The following FAM83C variants were observed in gnomAD, a reference collection of about 807,000 sequenced individuals.
The protein encoded by FAM83C is scaffolding CK1 anchoring protein C, also known as protein FAM83C.
FAM83C carries 23 observed loss-of-function variants against 27.1 expected under a neutral mutation model. That is an observed-to-expected ratio of 0.85 (90% CI 0.61 to 1.20). The LOEUF (loss-of-function observed/expected upper bound fraction) is 1.20, where lower values mean the gene tolerates loss of function less well. Ranked by LOEUF, FAM83C falls within the 50% of genes most tolerant of loss-of-function variation. The pLI is 0.00. For missense variants in FAM83C, 984 were observed against 1,001.3 expected, an observed-to-expected ratio of 0.98 and a Z score of 0.23; for synonymous variants, 426 against 423.1, an observed-to-expected ratio of 1.01 and a Z score of -0.09.
chr20:35,288,443 C>G lies in FAM83C; in HGVS notation c.806+18G>C. On this transcript the variant is annotated intron_variant, in intron 3 of 3. Coordinates refer to ENST00000374408, the MANE Select transcript of FAM83C (RefSeq NM_178468.6). ...TGATGCAGCCCCAGGCCCCCCTTGC[C>G]TCCTCGTGCCTGCTCACCTGTAACT... 6.2e-7 allele frequency: 1 copy of G among 1,613,440 alleles called. No homozygotes were observed. Among genetic ancestry groups the G allele is most frequent in the Non-Finnish European group, 8.5e-7 (1 of 1,179,736 alleles).
Position 35,288,548 on chromosome 20 carries a change from C to G in FAM83C, c.719G>C (p.Cys240Ser). 6.2e-7 allele frequency: 1 copy of G among 1,614,208 alleles called. No homozygotes were observed. Among genetic ancestry groups the G allele is most frequent in the Non-Finnish European group, 8.5e-7 (1 of 1,180,018 alleles). Residue 240 changes from cysteine to serine, a missense_variant, in exon 3 of 4, where the codon TGC becomes TCC. Cys to Ser is a moderately radical substitution (Grantham distance 112). Transcript: ENST00000374408. ...CGTGAAGCGGCGGCCAGCCTTGCTG[C>G]AGTATGTGTCCCCACACGTGCTCCG... ...RVRSTCGDTY[C>S]SKAGRRFTGQ...
rs1421787682 is a variant in FAM83C at position 35,286,600 on chromosome 20, GT to G, written c.2178del (p.Lys726AsnfsTer102). ...DEKRLTLGHS[K>X]LDLITKYNKS... ...TTGTTGTACTTAGTGATGAGGTCCA[GT>G]TTGCTGTGACCCAGGGTCAGCCGTT... On this transcript the variant is annotated frameshift_variant, in exon 4 of 4. Coordinates refer to ENST00000374408, the MANE Select transcript of FAM83C (RefSeq NM_178468.6). LOFTEE classifies it high-confidence loss of function. 7.4e-6 allele frequency: 12 copies of G among 1,614,068 alleles called. No individual in the cohort carries two copies. Among genetic ancestry groups the G allele is most frequent in the Non-Finnish European group, 1.0e-5 (12 of 1,180,042 alleles).
intron 1 of FAM83C, among the ~76,000 whole-genome samples, chr20:35,290,125 C>T (rs753412777): frequency 4.6e-5 from 7 of 152,220 alleles, no homozygotes; most frequent in Middle Eastern, 3.2e-3. Flanking sequence ...TCTGGTGTGA[C>T]CCCTTACACT....
Position 35,291,984 on chromosome 20 carries a change from C to T in FAM83C, c.321G>A (p.Leu107=). ...AAGTCCCTGAGGTGACTTCAGAGAG[C>T]AGGCTGAGGCGGTCTGGCCCGGAGG... ...QEASGPDRLS[L]LSEVTSGTYF... is the part of the protein sequence containing the mutation. Residue 107 remains leucine, a synonymous_variant, in exon 1 of 4, where the codon CTG becomes CTA. Transcript: ENST00000374408. 1.2e-6 allele frequency: 2 copies of T among 1,612,770 alleles called. No homozygotes were observed. Among genetic ancestry groups the T allele is most frequent in the South Asian group, 2.2e-5 (2 of 91,048 alleles).
intron 1 of FAM83C, among the ~76,000 whole-genome samples, chr20:35,290,434 T>G (rs1482384741): frequency 6.6e-6 from 1 of 152,172 alleles, no homozygotes; most frequent in Non-Finnish European, 1.5e-5. Context: ...TGACACAGCT[T>G]TGGGTGAGTC....
At position 35,287,729 on chromosome 20, in the gene FAM83C, G is replaced by A; in HGVS notation, c.1050C>T (p.Ser350=). The A allele has an allele frequency of 1.9e-6, 3 of 1,613,962 alleles. No individual in the cohort carries two copies. The highest frequency in any genetic ancestry group is 2.5e-6 in the Non-Finnish European group (3 of 1,179,906). ...SSLPSSTSLS[S]IKQSPLMGRS... The stretch of plus-strand genomic sequence containing the variant: ...GACCCATAAGCGGTGACTGCTTGAT[G>A]CTGCTGAGGCTGGTGCTGGAGGGCA... Residue 350 remains serine, a synonymous_variant, in exon 4 of 4, where the codon AGC becomes AGT. Coordinates refer to ENST00000374408, the MANE Select transcript of FAM83C (RefSeq NM_178468.6).
Position 35,287,011 on chromosome 20 carries a change from T to G in FAM83C, c.1768A>C (p.Ser590Arg), listed in dbSNP as rs746251132. 10 of 1,608,576 alleles carry G rather than the reference T, an allele frequency of 6.2e-6. No homozygotes were observed. The South Asian group carries it at 1.1e-4, about 18-fold the overall frequency. Residue 590 changes from serine to arginine, a missense_variant, in exon 4 of 4, where the codon AGC (serine) becomes CGC (arginine). Coordinates refer to ENST00000374408, the MANE Select transcript of FAM83C (RefSeq NM_178468.6). ...ATCAGGAGGTCTGATTGGCCACGGC[T>G]TTGGTTTAGGGACAGCCTCCTGTCC... ...LEDRRLSLNQ[S>R]RGQSDLLMQY...
chr20:35,292,328 C>G lies in FAM83C; in HGVS notation c.-24G>C. On this transcript the variant is annotated 5_prime_UTR_variant, in exon 1 of 4. Transcript: ENST00000374408. The stretch of plus-strand genomic sequence containing the variant: ...ATGCCTGCCACGCGGCTGCCTCACC[C>G]GCCGGCAGGGCCCATGGCCCGCACG... 6.8e-7 allele frequency: 1 copy of G among 1,463,002 alleles called. No individual in the cohort carries two copies. Among genetic ancestry groups the G allele is most frequent in the Non-Finnish European group, 9.0e-7 (1 of 1,114,456 alleles). 90.6% of individuals were successfully genotyped at this position (1,463,002 alleles called of 1,614,324 possible).
chr20:35,287,561 AG>A lies in FAM83C; in HGVS notation c.1217del (p.Pro406LeufsTer12). ...RQLSDPNHGS[P>X]PGLYRANLGK... is the part of the protein sequence containing the mutation. ...CGAGATTGGCCCTATAGAGCCCAGG[AG>A]GGGAGCCGTGGTTAGGGTCTGACAG... is the stretch of plus-strand genomic sequence containing the variant. On this transcript the variant is annotated frameshift_variant, in exon 4 of 4. Transcript: ENST00000374408. LOFTEE classifies it low-confidence loss of function (END_TRUNC). 2 of 1,613,984 alleles carry A rather than the reference AG, an allele frequency of 1.2e-6. No individual in the cohort carries two copies. Among genetic ancestry groups the A allele is most frequent in the South Asian group, 1.1e-5 (1 of 91,078 alleles).
In FAM83C at chr20:35,288,589, G is replaced by A; in HGVS notation, c.682-4C>T. The A allele has an allele frequency of 6.2e-7, 1 of 1,614,014 alleles. No homozygotes were observed. The highest frequency in any genetic ancestry group is 8.5e-7 in the Non-Finnish European group (1 of 1,179,922). The stretch of plus-strand genomic sequence containing the variant: ...ACGTGCTCCGCACACGCATGTTCTA[G>A]GTGGAAGTAGGTTGGGGGTGACCTT... On this transcript the variant is annotated splice_region_variant and splice_polypyrimidine_tract_variant and intron_variant, in intron 2 of 3. Transcript: ENST00000374408.
At position 35,291,797 on chromosome 20, in the gene FAM83C, G is replaced by A. The variant is rs143939846; in HGVS notation, c.508C>T (p.His170Tyr). Residue 170 changes from histidine (H) to tyrosine (Y), a missense_variant, in exon 1 of 4, where the codon CAC (histidine) becomes TAC (tyrosine). By Grantham distance (83) the His-to-Tyr change is moderately conservative. Coordinates refer to ENST00000374408, the MANE Select transcript of FAM83C (RefSeq NM_178468.6). Reference protein sequence around the residue: ...DLLRFLFSQAHTVVAVVMDIF... With the variant: ...DLLRFLFSQAYTVVAVVMDIF... ...TGGAGAGATGAGGCCCTTACCGTGT[G>A]GGCCTGGCTGAAAAGGAAGCGCAGC... 2 of 1,613,884 alleles carry A rather than the reference G, an allele frequency of 1.2e-6. No individual in the cohort carries two copies. The highest frequency in any genetic ancestry group is 1.3e-5 in the African/African-American group (1 of 74,938).
rs372083736 is a variant in FAM83C at position 35,287,875 on chromosome 20, C to T, written c.904G>A (p.Ala302Thr). The T allele has an allele frequency of 5.0e-5, 78 of 1,562,224 alleles. No homozygotes were observed. Among genetic ancestry groups the T allele is most frequent in the Non-Finnish European group, 6.4e-5 (74 of 1,152,668 alleles). Reference sequence around the variant, plus strand: ...AAGCCCTCCACAGGCTGCGACTCAGCGTACAGACAGCGGAACTCCCGGTCA... The same window carrying T: ...AAGCCCTCCACAGGCTGCGACTCAGTGTACAGACAGCGGAACTCCCGGTCA... Reference protein sequence around the residue: ...DFDREFRCLYAESQPVEGFCG... With the variant: ...DFDREFRCLYTESQPVEGFCG... The change falls in exon 4 of 4, where the codon GCT becomes ACT. Residue 302 changes from alanine (A) to threonine (T), a missense_variant. Coordinates refer to ENST00000374408, the MANE Select transcript of FAM83C (RefSeq NM_178468.6).
rs1302900249 is a variant in FAM83C at position 35,286,286 on chromosome 20, AC to A, written c.*248del. On this transcript the variant is annotated 3_prime_UTR_variant, in exon 4 of 4. Transcript: ENST00000374408. ...CTGTCCCCAGGTCTGAGTGTGACCCACCTGTCAGCTCTACAGGCCCAGCACA... is the reference window on the plus strand; with the variant it reads ...CTGTCCCCAGGTCTGAGTGTGACCCACTGTCAGCTCTACAGGCCCAGCACA... 2.0e-6 allele frequency: 1 copy of A among 494,086 alleles called. No homozygotes were observed. The highest frequency in any genetic ancestry group is 3.6e-5 in the East Asian group (1 of 27,752). 30.6% of individuals were successfully genotyped at this position (494,086 alleles called of 1,614,324 possible). A position where few individuals can be genotyped will look rare whatever the true frequency, so the allele number is the denominator to read the frequency against.
Position 35,292,347 on chromosome 20 carries a change from C to A in FAM83C, c.-43G>T. On this transcript the variant is annotated 5_prime_UTR_variant, in exon 1 of 4. Transcript: ENST00000374408. ...CTCACCCGCCGGCAGGGCCCATGGC[C>A]CGCACGCTGGGCTGGCTGCAGCAGG... 6.9e-7 allele frequency: 1 copy of A among 1,443,486 alleles called. No individual in the cohort carries two copies. Among genetic ancestry groups the A allele is most frequent in the African/African-American group, 1.4e-5 (1 of 69,626 alleles). The allele number at this position is 1,443,486 out of a possible 1,614,324, so 89.4% of individuals were successfully genotyped here. A position where few individuals can be genotyped will look rare whatever the true frequency, so the allele number is the denominator to read the frequency against.
Position 35,292,412 on chromosome 20 carries a change from G to A in FAM83C, c.-108C>T, listed in dbSNP as rs1259086905. Reference sequence around the variant, plus strand: ...AGAACCGCCTTCTGCCCGCCCGCTCGCTGTGTGTGTGGCAGGGCCCCCAAA... The same window carrying A: ...AGAACCGCCTTCTGCCCGCCCGCTCACTGTGTGTGTGGCAGGGCCCCCAAA... On this transcript the variant is annotated 5_prime_UTR_variant, in exon 1 of 4. Coordinates refer to ENST00000374408, the MANE Select transcript of FAM83C (RefSeq NM_178468.6). 33 of 1,397,862 alleles carry A rather than the reference G, an allele frequency of 2.4e-5. No individual in the cohort carries two copies. Among genetic ancestry groups the A allele is most frequent in the Admixed American group, 1.2e-4 (4 of 33,966 alleles). The allele number at this position is 1,397,862 out of a possible 1,614,324, so 86.6% of individuals were successfully genotyped here. A position where few individuals can be genotyped will look rare whatever the true frequency, so the allele number is the denominator to read the frequency against.
rs745708032 is a variant in FAM83C, at chr20:35,288,541, C to T, written c.726G>A (p.Lys242=). The T allele has an allele frequency of 1.2e-6, 2 of 1,614,106 alleles. No individual in the cohort carries two copies. The highest frequency in any genetic ancestry group is 2.7e-5 in the African/African-American group (2 of 74,948). Residue 242 remains lysine (K), a synonymous_variant, in exon 3 of 4, where the codon AAG becomes AAA. Coordinates refer to ENST00000374408, the MANE Select transcript of FAM83C (RefSeq NM_178468.6). ...RSTCGDTYCS[K]AGRRFTGQAL... ...CCTGCCCCGTGAAGCGGCGGCCAGCCTTGCTGCAGTATGTGTCCCCACACG... is the reference window on the plus strand; with the variant it reads ...CCTGCCCCGTGAAGCGGCGGCCAGCTTTGCTGCAGTATGTGTCCCCACACG...
chr20:35,287,179 G>A lies in FAM83C; in HGVS notation c.1600C>T (p.Leu534Phe). Residue 534 changes from leucine to phenylalanine, a missense_variant, in exon 4 of 4, where the codon CTT becomes TTT. Coordinates refer to ENST00000374408, the MANE Select transcript of FAM83C (RefSeq NM_178468.6). ...DSGVTPNSGP[L>F]RPGEQAPEDR... ...TCTGGGGCCTGCTCGCCAGGCCGAA[G>A]GGGGCCTGAGTTGGGGGTAACCCCA... The A allele has an allele frequency of 6.2e-7, 1 of 1,608,910 alleles. No homozygotes were observed. The highest frequency in any genetic ancestry group is 8.5e-7 in the Non-Finnish European group (1 of 1,179,722).
Position 35,288,573 on chromosome 20 carries a change from G to T in FAM83C, c.694C>A (p.Arg232=). Residue 232 remains arginine, a synonymous_variant, in exon 3 of 4, where the codon CGG becomes AGG. Transcript: ENST00000374408. ...NGEHLPNMRV[R]STCGDTYCSK... Reference sequence around the variant, plus strand: ...CAGTATGTGTCCCCACACGTGCTCCGCACACGCATGTTCTAGGTGGAAGTA... The same window carrying T: ...CAGTATGTGTCCCCACACGTGCTCCTCACACGCATGTTCTAGGTGGAAGTA... 1 of 1,614,172 alleles carries T rather than the reference G, an allele frequency of 6.2e-7. No individual in the cohort carries two copies. The highest frequency in any genetic ancestry group is 8.5e-7 in the Non-Finnish European group (1 of 1,180,006).
At position 35,286,627 on chromosome 20, in the gene FAM83C, T is replaced by C; in HGVS notation, c.2152A>G (p.Lys718Glu). ...GGNSDLVRDE[K>E]RLTLGHSKLD... Reference sequence around the variant, plus strand: ...TTGCTGTGACCCAGGGTCAGCCGTTTCTCATCCCTGACCAGGTCACTGTTA... The same window carrying C: ...TTGCTGTGACCCAGGGTCAGCCGTTCCTCATCCCTGACCAGGTCACTGTTA... The change falls in exon 4 of 4, where the codon AAA (lysine) becomes GAA (glutamate). Residue 718 changes from lysine (K) to glutamate (E), a missense_variant. Physicochemically the swap from Lys to Glu is moderately conservative, Grantham distance 56. Coordinates refer to ENST00000374408, the MANE Select transcript of FAM83C (RefSeq NM_178468.6). 9 of 1,613,722 alleles carry C rather than the reference T, an allele frequency of 5.6e-6. No homozygotes were observed. Among genetic ancestry groups the C allele is most frequent in the East Asian group, 2.2e-5 (1 of 44,846 alleles).
Sources: allele counts gnomAD v4.1 joint callset (sites outside exome capture counted in the v4.1 genomes callset), GRCh38; gene constraint gnomAD v4.1.1; transcripts MANE v1.5; gene names NCBI Gene and HGNC (gene_info 2026-07-23, HGNC 2026-07-21).